Variants in GRIA4 observed in about 807,000 individuals in gnomAD.
The protein encoded by GRIA4 is glutamate ionotropic receptor AMPA type subunit 4, also known as glutamate receptor 4.
In GRIA4, 34 loss-of-function variants were observed where a neutral mutation model predicts 104.0. That is an observed-to-expected ratio of 0.33 (90% CI 0.25 to 0.44). The LOEUF (loss-of-function observed/expected upper bound fraction) is 0.44. Among genes scored for constraint, GRIA4 ranks in the 20% least tolerant of loss-of-function variants. The probability of loss-of-function intolerance (pLI) is 1.00; values close to 1 mark genes in which losing one functional copy is unlikely to be tolerated. For synonymous variants in GRIA4, 386 were observed against 381.9 expected, an observed-to-expected ratio of 1.01 and a Z score of -0.13; for missense variants, 750 against 1,096.5, an observed-to-expected ratio of 0.68 and a Z score of 4.46.
At chr11:105,884,990 TAG>T (rs3834445) in intron 5 of GRIA4, among the ~76,000 whole-genome samples, 31,155 of 151,852 alleles carry the variant, frequency 0.21, 3,234 homozygotes, top group South Asian at 0.25. Flanking sequence ...GACAGGGGCT[TAG>T]AGAGAGTGCA....
At chr11:105,957,001 G>C (rs957989786) in intron 14 of GRIA4, among the ~76,000 whole-genome samples, 4 of 152,068 alleles carry the variant, frequency 2.6e-5, no homozygotes, top group African/African-American at 4.8e-5. Context: ...TGTAGATTCT[G>C]GATATTAACC....
At chr11:105,752,620 T>A (rs1940068868) in intron 3 of GRIA4, among the ~76,000 whole-genome samples, 1 of 152,082 alleles carries the variant, frequency 6.6e-6, no homozygotes, top group Admixed American at 6.5e-5. Context: ...TAGAAAAAAA[T>A]ACAGAAAATA....
chr11:105,747,805 A>G (rs1939751773), intron 3 of GRIA4, among the ~76,000 whole-genome samples: 1 of 152,146 alleles, frequency 6.6e-6, no homozygotes, highest in Admixed American at 6.5e-5. Flanking sequence ...ATACATGAAA[A>G]TGGTTATTAT....
At chr11:105,630,127 C>T (rs1950994725) in intron 3 of GRIA4, among the ~76,000 whole-genome samples, 1 of 152,152 alleles carries the variant, frequency 6.6e-6, no homozygotes, top group Admixed American at 6.6e-5. Flanking sequence ...GCTATGATCT[C>T]AAGGCACCTT....
At chr11:105,698,008 C>A (rs940000912) in intron 3 of GRIA4, among the ~76,000 whole-genome samples, 1 of 152,048 alleles carries the variant, frequency 6.6e-6, no homozygotes, top group Non-Finnish European at 1.5e-5. Context: ...GTGGAGATGG[C>A]AATGATTTGA....
At chr11:105,918,315 T>G (rs1371568745) in intron 10 of GRIA4, among the ~76,000 whole-genome samples, 1 of 152,144 alleles carries the variant, frequency 6.6e-6, no homozygotes, top group Non-Finnish European at 1.5e-5. Flanking sequence ...TGACCTTGAA[T>G]TAGTCTTTTA....
intron 10 of GRIA4, chr11:105,913,234 C>A: frequency 2.5e-6 from 1 of 403,548 alleles, no homozygotes; most frequent in Non-Finnish European, 3.3e-6. Context: ...GAAAGCAGAC[C>A]AGAAACATAA....
chr11:105,913,277 TA>T, intron 10 of GRIA4: 1 of 490,460 alleles, frequency 2.0e-6, no homozygotes, highest in Non-Finnish European at 2.6e-6. Flanking sequence ...TTATTAAATA[TA>T]ATGTAGTGTT....
At chr11:105,858,339 T>A (rs763457387) in intron 4 of GRIA4, among the ~76,000 whole-genome samples, 1 of 152,146 alleles carries the variant, frequency 6.6e-6, no homozygotes, top group African/African-American at 2.4e-5. Context: ...GTTTCACCTT[T>A]GTATTTCACA....
intron 3 of GRIA4, among the ~76,000 whole-genome samples, chr11:105,690,120 G>T (rs1031924513): frequency 6.6e-6 from 1 of 151,652 alleles, no homozygotes; most frequent in African/African-American, 2.4e-5. Flanking sequence ...TTTCTTCAAC[G>T]TCATAGACAG....
chr11:105,849,864 T>A (rs1944738104), intron 4 of GRIA4, among the ~76,000 whole-genome samples: 1 of 152,180 alleles, frequency 6.6e-6, no homozygotes, highest in Admixed American at 6.5e-5. Flanking sequence ...GTTCTCGGGT[T>A]TTTTAAGCCA....
chr11:105,872,988 A>G (rs1945673057), intron 5 of GRIA4, among the ~76,000 whole-genome samples: 1 of 151,988 alleles, frequency 6.6e-6, no homozygotes, highest in Non-Finnish European at 1.5e-5. Flanking sequence ...GGTTTATTAC[A>G]TAGGTATACA....
In GRIA4 at chr11:105,979,961, A is replaced by G; in HGVS notation, c.*222A>G. On this transcript the variant is annotated 3_prime_UTR_variant, in exon 17 of 17. Transcript: ENST00000282499. ...TTTATATCAGGAAAACTCACAATTG[A>G]GGTTTTTTTCGGGGAGTGGGTGGGG... 4 of 323,312 alleles carry G rather than the reference A, an allele frequency of 1.2e-5. No individual in the cohort carries two copies. The highest frequency in any genetic ancestry group is 2.4e-5 in the Non-Finnish European group (4 of 168,236). 20.0% of individuals were successfully genotyped at this position (323,312 alleles called of 1,614,324 possible). A position where few individuals can be genotyped will look rare whatever the true frequency, so the allele number is the denominator to read the frequency against.
chr11:105,684,152 G>A (rs964841194), intron 3 of GRIA4, among the ~76,000 whole-genome samples: 1 of 152,080 alleles, frequency 6.6e-6, no homozygotes, highest in African/African-American at 2.4e-5. Context: ...GGGATTACAG[G>A]CTTGAGCCAC....
In GRIA4 at chr11:105,645,504, C is replaced by A. The variant is rs189289964; in HGVS notation, c.247+33070C>A. On this transcript the variant is annotated intron_variant, in intron 3 of 16. Transcript: ENST00000282499. ...TTCAACAGGGAGGGGAAATCAAAGA[C>A]AATTCATCAACACTATTTTGGGGCA... 1.0e-3 allele frequency among the ~76,000 whole-genome samples: 154 copies of A among 152,112 alleles called. 1 individual carries two copies. Among genetic ancestry groups the A allele is most frequent in the South Asian group, 2.9e-3 (14 of 4,822 alleles).
chr11:105,768,681 G>T (rs1941068101), intron 4 of GRIA4, among the ~76,000 whole-genome samples: 1 of 151,988 alleles, frequency 6.6e-6, no homozygotes, highest in Non-Finnish European at 1.5e-5. Context: ...TTCACACATA[G>T]TAGGAAGGTG....
At chr11:105,644,966 G>A (rs1229375584) in intron 3 of GRIA4, among the ~76,000 whole-genome samples, 1 of 152,136 alleles carries the variant, frequency 6.6e-6, no homozygotes, top group African/African-American at 2.4e-5. Context: ...GGAGGCCTGG[G>A]AGCTAAGCAG....
intron 4 of GRIA4, among the ~76,000 whole-genome samples, chr11:105,811,069 C>T (rs146170524): frequency 9.9e-5 from 15 of 152,004 alleles, no homozygotes; most frequent in Non-Finnish European, 1.8e-4. Context: ...TATTTGGGAG[C>T]GATGAGTTGC....
chr11:105,684,048 A>G (rs1952793403), intron 3 of GRIA4, among the ~76,000 whole-genome samples: 1 of 151,816 alleles, frequency 6.6e-6, no homozygotes, highest in African/African-American at 2.4e-5. Flanking sequence ...CTAATTTTGT[A>G]TTTTTAGTAG....
Sources: gnomAD v4.1 joint callset for allele counts (sites outside exome capture counted in the v4.1 genomes callset) on GRCh38, gnomAD v4.1.1 for gene constraint, MANE v1.5 for transcripts, NCBI Gene and HGNC (gene_info 2026-07-23, HGNC 2026-07-21) for gene names.